The following FARP1 variants were observed in gnomAD, a reference collection of about 807,000 sequenced individuals.
The protein encoded by FARP1 is FERM, ARHGEF and pleckstrin domain-containing protein 1.
Under a neutral mutation model 128.8 loss-of-function variants are expected in FARP1, and 52 were observed. The ratio of observed to expected loss-of-function variants is 0.40; its 90% CI spans 0.32 to 0.51. FARP1 has a LOEUF of 0.51. FARP1 is among the 20% of genes least tolerant of loss of function. The pLI is 0.45. For missense variants in FARP1, 1,333 were observed against 1,367.9 expected (o/e 0.97, Z 0.40); for synonymous variants, 580 against 551.8 (o/e 1.05, Z -0.72).
intron 19 of FARP1, chr13:98,437,953 A>G (rs1274891825): frequency 3.8e-6 from 4 of 1,052,846 alleles, no homozygotes; most frequent in Non-Finnish European, 5.8e-6. Context: ...ATTGTTTCAA[A>G]TCAACCCTGA....
At chr13:98,292,768 T>G (rs1282246190) in intron 2 of FARP1, among the ~76,000 whole-genome samples, 1 of 152,102 alleles carries the variant, frequency 6.6e-6, no homozygotes. Flanking sequence ...GCTAAGAGAC[T>G]TGAAGAAAAT....
rs867148260 is a variant in FARP1 at position 98,194,202 on chromosome 13, C to T, written c.-23-19018C>T. Among the ~76,000 whole-genome samples, 57 of 152,152 alleles carry T rather than the reference C, an allele frequency of 3.7e-4. No homozygotes were observed. The Middle Eastern group carries it at 0.01, about 27-fold the overall frequency. On this transcript the variant is annotated intron_variant, in intron 1 of 26. Coordinates refer to ENST00000319562, the MANE Select transcript of FARP1 (RefSeq NM_005766.4). ...CACAATCTCGGCTTGTTGCAACCTC[C>T]GCCTCCTGGGTTCAAGCGATTCTCC...
At chr13:98,354,138 T>C (rs1888550138) in intron 3 of FARP1, among the ~76,000 whole-genome samples, 1 of 152,244 alleles carries the variant, frequency 6.6e-6, no homozygotes, top group Non-Finnish European at 1.5e-5. Context: ...TCCCTTCACA[T>C]ATATCTCTAA....
In FARP1 at chr13:98,176,915, T is replaced by C; in HGVS notation, c.-24+33423T>C. ...TGCTCGAAGTCAGCGGTGGCCCCCA[T>C]GTCCTCTGGCCCCACAGGCTTCGCC... On this transcript the variant is annotated intron_variant, in intron 1 of 26. Transcript: ENST00000319562. The surrounding 1 kb of genome is among the most constrained non-coding windows in gnomAD (Gnocchi z 6.2). The C allele has an allele frequency of 1.2e-6, 2 of 1,605,362 alleles. No individual in the cohort carries two copies. The highest frequency in any genetic ancestry group is 1.7e-6 in the Non-Finnish European group (2 of 1,179,924).
At chr13:98,303,815 G>A (rs997250835) in intron 2 of FARP1, among the ~76,000 whole-genome samples, 6 of 152,184 alleles carry the variant, frequency 3.9e-5, no homozygotes, top group African/African-American at 9.7e-5. Context: ...AAGGTTAAGC[G>A]CCAGAGGAGG....
intron 2 of FARP1, among the ~76,000 whole-genome samples, chr13:98,286,644 T>C (rs190633588): frequency 4.6e-5 from 7 of 152,184 alleles, no homozygotes; most frequent in African/African-American, 1.7e-4. Context: ...TGTTCTGTCT[T>C]GGGTTTCCCT....
At chr13:98,225,082 G>T (rs556985938) in intron 2 of FARP1, among the ~76,000 whole-genome samples, 2 of 152,300 alleles carry the variant, frequency 1.3e-5, no homozygotes, top group South Asian at 2.1e-4. Context: ...GAAAGAGACT[G>T]CTTTGTGTAG....
intron 1 of FARP1, among the ~76,000 whole-genome samples, chr13:98,158,145 T>C (rs1189554888): frequency 2.6e-5 from 4 of 152,262 alleles, no homozygotes; most frequent in Non-Finnish European, 5.9e-5. Context: ...TTTGAACTTC[T>C]CTGTATTTTC....
intron 14 of FARP1, among the ~76,000 whole-genome samples, chr13:98,409,940 A>G (rs1594503788): frequency 6.6e-6 from 1 of 152,304 alleles, no homozygotes; most frequent in East Asian, 1.9e-4. Flanking sequence ...ATTGCCTGCC[A>G]TTTGAGGGCT....
intron 13 of FARP1, chr13:98,402,789 T>C (rs1594494345): frequency 6.7e-6 from 1 of 150,144 alleles, no homozygotes; most frequent in East Asian, 1.9e-4. Flanking sequence ...GCCTATATTA[T>C]TAATCAAATT....
intron 1 of FARP1, among the ~76,000 whole-genome samples, chr13:98,180,030 A>G (rs1336166176): frequency 6.6e-6 from 1 of 152,086 alleles, no homozygotes; most frequent in East Asian, 1.9e-4. Context: ...AAGGGTAGCC[A>G]GGCTAGGGAA....
At chr13:98,309,205 G>C (rs1344321661) in intron 2 of FARP1, among the ~76,000 whole-genome samples, 1 of 110,058 alleles carries the variant, frequency 9.1e-6, no homozygotes, top group Non-Finnish European at 1.7e-5. Context: ...CTCGCTCTGT[G>C]GCCCAGGCGG....
intron 3 of FARP1, among the ~76,000 whole-genome samples, chr13:98,346,909 C>T (rs137926059): frequency 2.6e-5 from 4 of 152,280 alleles, no homozygotes; most frequent in African/African-American, 9.6e-5. Flanking sequence ...CCAGTGAGTT[C>T]TGCCTTACAA....
At chr13:98,438,472 G>A (rs973199957) in intron 19 of FARP1, among the ~76,000 whole-genome samples, 17 of 152,190 alleles carry the variant, frequency 1.1e-4, no homozygotes, top group African/African-American at 4.8e-5. Context: ...GAACCCGACC[G>A]TCCGTATCCT....
intron 1 of FARP1, among the ~76,000 whole-genome samples, chr13:98,201,599 G>T (rs369228585): frequency 6.6e-6 from 1 of 152,164 alleles, no homozygotes; most frequent in Non-Finnish European, 1.5e-5. Flanking sequence ...CATTTAACTC[G>T]GTTTTGATTG....
intron 1 of FARP1, among the ~76,000 whole-genome samples, chr13:98,145,551 T>TTTTG (rs1875470944): frequency 7.2e-6 from 1 of 139,266 alleles, no homozygotes; most frequent in South Asian, 2.3e-4. Context: ...TGGAGGAACG[T>TTTTG]TTTTGTTTCA....
intron 2 of FARP1, among the ~76,000 whole-genome samples, chr13:98,338,072 T>C (rs1887815815): frequency 6.6e-6 from 1 of 152,234 alleles, no homozygotes; most frequent in Non-Finnish European, 1.5e-5. Context: ...TGTTTATAGA[T>C]GTGAGCCCTG....
At chr13:98,415,975 A>G (rs1369025854) in intron 16 of FARP1, among the ~76,000 whole-genome samples, 2 of 152,260 alleles carry the variant, frequency 1.3e-5, no homozygotes, top group East Asian at 3.8e-4. Context: ...GGTGTTACGC[A>G]AATGGCACAG....
At chr13:98,349,602 C>G (rs1269497104) in intron 3 of FARP1, among the ~76,000 whole-genome samples, 1 of 132,586 alleles carries the variant, frequency 7.5e-6, no homozygotes, top group Non-Finnish European at 1.5e-5. Flanking sequence ...ACCCAGGAGG[C>G]GGAGGATGCA....
Sources: allele counts gnomAD v4.1 joint callset (sites outside exome capture counted in the v4.1 genomes callset), GRCh38; gene constraint gnomAD v4.1.1; non-coding constraint Gnocchi (gnomAD v3.1); transcripts MANE v1.5; gene names NCBI Gene and HGNC (gene_info 2026-07-23, HGNC 2026-07-21).